Variants in RP1L1 observed in about 807,000 individuals in gnomAD.
The protein encoded by RP1L1 is retinitis pigmentosa 1-like 1 protein.
A neutral mutation model predicts 15.7 loss-of-function variants in RP1L1; 27 were observed. That is an observed-to-expected ratio of 1.72 (90% CI 1.27 to 2.38). The LOEUF (loss-of-function observed/expected upper bound fraction) is 2.38, where lower values mean the gene tolerates loss of function less well. Among genes scored for constraint, RP1L1 ranks in the 30% most tolerant of loss-of-function variants. RP1L1 has a pLI of 0.00. For missense variants in RP1L1, 4,798 were observed against 3,075.9 expected (o/e 1.56, Z -13.24); for synonymous variants, 1,813 against 1,276.7 (o/e 1.42, Z -8.96).
In RP1L1 at chr8:10,606,826, GT is replaced by G; in HGVS notation, c.*68del. The stretch of plus-strand genomic sequence containing the variant: ...TCTCCAGTGGACTGAACGTTGCTCA[GT>G]TTTGTAGAAAAAATATGAATAAAAA... On this transcript the variant is annotated 3_prime_UTR_variant, in exon 4 of 4. Coordinates refer to ENST00000382483, the MANE Select transcript of RP1L1 (RefSeq NM_178857.6). The G allele has an allele frequency of 6.2e-7, 1 of 1,607,326 alleles. No homozygotes were observed. Among genetic ancestry groups the G allele is most frequent in the Non-Finnish European group, 8.5e-7 (1 of 1,179,666 alleles).
In RP1L1 at chr8:10,607,122, G is replaced by C. The variant is rs764067771; in HGVS notation, c.6976C>G (p.Pro2326Ala). 6.2e-7 allele frequency: 1 copy of C among 1,614,164 alleles called. No individual in the cohort carries two copies. The highest frequency in any genetic ancestry group is 1.7e-5 in the Admixed American group (1 of 60,010). ...GGGGTCCCCGTGGACTTGGCATCAG[G>C]GCTCCTTGTGTCTCCAAGTACATGG... Reference protein sequence around the residue: ...NDHVLGDTRSPDAKSTGTPHA... With the variant: ...NDHVLGDTRSADAKSTGTPHA... Residue 2326 changes from proline to alanine, a missense_variant, in exon 4 of 4, where the codon CCT (proline) becomes GCT (alanine). Physicochemically the swap from Pro to Ala is conservative, Grantham distance 27. Transcript: ENST00000382483.
chr8:10,611,510 G>T lies in RP1L1; in HGVS notation c.2588C>A (p.Pro863His), dbSNP rs752407355. ...CCCACAGCTGGAAGAGCGCCTCTGGGGGCAGGGCCGCCCCCTGGGCGGGGT... is the reference window on the plus strand; with the variant it reads ...CCCACAGCTGGAAGAGCGCCTCTGGTGGCAGGGCCGCCCCCTGGGCGGGGT... The part of the protein sequence containing the change: ...CPTPPRGRPC[P>H]QRRSSSCGST... The change falls in exon 4 of 4, where the codon CCC becomes CAC. Residue 863 changes from proline to histidine, a missense_variant. Physicochemically the swap from Pro to His is moderately conservative, Grantham distance 77. Coordinates refer to ENST00000382483, the MANE Select transcript of RP1L1 (RefSeq NM_178857.6). The T allele has an allele frequency of 7.6e-6, 12 of 1,578,656 alleles. No individual in the cohort carries two copies. The East Asian group carries it at 2.7e-4, about 36-fold the overall frequency.
chr8:10,633,805 C>T (rs1263556350), intron 1 of RP1L1, among the ~76,000 whole-genome samples: 1 of 152,168 alleles, frequency 6.6e-6, no homozygotes, highest in South Asian at 2.1e-4. Flanking sequence ...TGTAGGTATA[C>T]AATACAAGGT....
intron 1 of RP1L1, among the ~76,000 whole-genome samples, chr8:10,633,176 T>G (rs1250684660): frequency 6.6e-6 from 1 of 152,202 alleles, no homozygotes; most frequent in African/African-American, 2.4e-5. Context: ...GAGCTAGAGC[T>G]GCACAGCAGC....
chr8:10,637,789 G>A (rs142992827), intron 1 of RP1L1, among the ~76,000 whole-genome samples: 139 of 152,304 alleles, frequency 9.1e-4, no homozygotes, highest in African/African-American at 3.2e-3. Context: ...GGAAAGAGAC[G>A]GGGGAAGTAG....
chr8:10,645,922 T>C lies in RP1L1; in HGVS notation c.-20+8976A>G, dbSNP rs1448387248. Among the ~76,000 whole-genome samples, 3 of 152,158 alleles carry C rather than the reference T, an allele frequency of 2.0e-5. No individual in the cohort carries two copies. In the East Asian group the frequency reaches 5.8e-4, roughly 29 times the overall value. ...TGCACCTGGCCTTTCTCCTCTTCCCTCTTGTCTGGGCCCTACAGAGAAAGC... is the reference window on the plus strand; with the variant it reads ...TGCACCTGGCCTTTCTCCTCTTCCCCCTTGTCTGGGCCCTACAGAGAAAGC... On this transcript the variant is annotated intron_variant, in intron 1 of 3. Transcript: ENST00000382483.
At chr8:10,628,795 A>G (rs1434323777) in intron 1 of RP1L1, among the ~76,000 whole-genome samples, 3 of 152,206 alleles carry the variant, frequency 2.0e-5, no homozygotes, top group African/African-American at 7.2e-5. Flanking sequence ...TGGAAGTAGA[A>G]TCCTTGGAAA....
At chr8:10,626,205 A>G (rs1798155114) in intron 1 of RP1L1, among the ~76,000 whole-genome samples, 1 of 151,806 alleles carries the variant, frequency 6.6e-6, no homozygotes, top group African/African-American at 2.4e-5. Flanking sequence ...CGCAGGCAGC[A>G]GGGGCAGTGG....
chr8:10,615,283 C>G (rs184391862), intron 3 of RP1L1, among the ~76,000 whole-genome samples: 3 of 152,342 alleles, frequency 2.0e-5, no homozygotes, highest in Admixed American at 6.5e-5. Flanking sequence ...TTTCCATCAT[C>G]AGACTGCATT....
At chr8:10,642,542 A>T (rs1346036810) in intron 1 of RP1L1, among the ~76,000 whole-genome samples, 3 of 152,254 alleles carry the variant, frequency 2.0e-5, no homozygotes, top group Non-Finnish European at 4.4e-5. Flanking sequence ...AGGCACTCAG[A>T]TGCCAATGAT....
chr8:10,647,331 A>G (rs763834889), intron 1 of RP1L1, among the ~76,000 whole-genome samples: 1 of 152,100 alleles, frequency 6.6e-6, no homozygotes, highest in Non-Finnish European at 1.5e-5. Flanking sequence ...TATTTTTTTA[A>G]TTGTGGTAAA....
Position 10,622,872 on chromosome 8 carries a change from G to A in RP1L1, c.330C>T (p.Pro110=), listed in dbSNP as rs769237488. The change falls in exon 2 of 4, where the codon CCC becomes CCT. Residue 110 remains proline, a synonymous_variant. Transcript: ENST00000382483. ...GCCGGCCTGGTCCACTGGGGGTCTTGGGGGGCTTCTTATCAGAGCAGAGGT... is the reference window on the plus strand; with the variant it reads ...GCCGGCCTGGTCCACTGGGGGTCTTAGGGGGCTTCTTATCAGAGCAGAGGT... The part of the protein sequence containing the change: ...GCYLCSDKKP[P]KTPSGPGRPQ... The A allele has an allele frequency of 6.2e-7, 1 of 1,613,172 alleles. No individual in the cohort carries two copies.
chr8:10,609,241 G>GT lies in RP1L1; in HGVS notation c.4856_4857insA (p.Phe1619LeufsTer3). 2 of 1,609,230 alleles carry GT rather than the reference G, an allele frequency of 1.2e-6. No homozygotes were observed. The highest frequency in any genetic ancestry group is 1.7e-6 in the Non-Finnish European group (2 of 1,179,802). Reference sequence around the variant, plus strand: ...GCCCCAGGCCCAGGGTCCGCTCAGAGAAGGCCGAGAGGTTTCGCAGGCCCC... The same window carrying GT: ...GCCCCAGGCCCAGGGTCCGCTCAGAGTAAGGCCGAGAGGTTTCGCAGGCCCC... On this transcript the variant is annotated frameshift_variant, in exon 4 of 4. Coordinates refer to ENST00000382483, the MANE Select transcript of RP1L1 (RefSeq NM_178857.6). LOFTEE classifies it low-confidence loss of function (END_TRUNC).
intron 1 of RP1L1, among the ~76,000 whole-genome samples, chr8:10,635,776 G>A (rs1282473245): frequency 6.6e-6 from 1 of 152,230 alleles, no homozygotes; most frequent in South Asian, 2.1e-4. Flanking sequence ...TTGCAACTTT[G>A]CAGTAGATTT....
In RP1L1 at chr8:10,611,487, C is replaced by G; in HGVS notation, c.2611G>C (p.Gly871Arg). The G allele has an allele frequency of 6.4e-7, 1 of 1,572,594 alleles. No homozygotes were observed. Among genetic ancestry groups the G allele is most frequent in the Non-Finnish European group, 8.6e-7 (1 of 1,161,214 alleles). The change falls in exon 4 of 4, where the codon GGG (glycine) becomes CGG (arginine). Residue 871 changes from glycine (G) to arginine (R), a missense_variant. Gly to Arg is a moderately radical substitution (Grantham distance 125). Transcript: ENST00000382483. ...CTTTGGTGGCTGCTGCCGGTGCTCC[C>G]ACAGCTGGAAGAGCGCCTCTGGGGG... ...PCPQRRSSSCGSTGSSHQSTA... is the reference protein window; with the variant it reads ...PCPQRRSSSCRSTGSSHQSTA...
chr8:10,643,279 G>A (rs1798432627), intron 1 of RP1L1, among the ~76,000 whole-genome samples: 1 of 152,172 alleles, frequency 6.6e-6, no homozygotes, highest in Admixed American at 6.5e-5. Context: ...GGTGGAGGCT[G>A]TGGTGAGCCA....
chr8:10,611,134 T>C lies in RP1L1; in HGVS notation c.2964A>G (p.Arg988=), dbSNP rs765880473. The C allele has an allele frequency of 1.1e-5, 18 of 1,612,874 alleles. No homozygotes were observed. The highest frequency in any genetic ancestry group is 1.4e-5 in the Non-Finnish European group (17 of 1,179,984). ...CATCCCCAGGGTCCACCTCGGGGCC[T>C]CTCAGGCCACCCCCAGCTGCACCTG... The part of the protein sequence containing the change: ...ETTGAAGGGL[R]GPEVDPGDDH... The change falls in exon 4 of 4, where the codon AGA becomes AGG. Residue 988 remains arginine, a synonymous_variant. Coordinates refer to ENST00000382483, the MANE Select transcript of RP1L1 (RefSeq NM_178857.6).
Position 10,608,549 on chromosome 8 carries a change from C to A in RP1L1, c.5549G>T (p.Gly1850Val), listed in dbSNP as rs200646824. ...CCCTTCTGCCTCTGGGGCCTCTACA[C>A]CTTCTGACTCTGGCTGGGCCTCCCC... ...AEGEAQPESE[G>V]VEAPEAEGDA... Residue 1850 changes from glycine to valine, a missense_variant, in exon 4 of 4, where the codon GGT (glycine) becomes GTT (valine). By Grantham distance (109) the Gly-to-Val change is moderately radical. Transcript: ENST00000382483. 4.4e-6 allele frequency: 7 copies of A among 1,597,502 alleles called. No homozygotes were observed. Among genetic ancestry groups the A allele is most frequent in the Non-Finnish European group, 6.0e-6 (7 of 1,168,678 alleles).
At position 10,607,194 on chromosome 8, in the gene RP1L1, TGGA is replaced by T; in HGVS notation, c.6901_6903del (p.Ser2301del). On this transcript the variant is annotated inframe_deletion, in exon 4 of 4. Coordinates refer to ENST00000382483, the MANE Select transcript of RP1L1 (RefSeq NM_178857.6). ...CAGCAGTTGCCCCAAGAGGATGCTCTGGAGGAGGAAGGGCCTGTTTGGGAGCCT... is the reference window on the plus strand; with the variant it reads ...CAGCAGTTGCCCCAAGAGGATGCTCTGGAGGAAGGGCCTGTTTGGGAGCCT... The T allele has an allele frequency of 6.2e-7, 1 of 1,614,216 alleles. No individual in the cohort carries two copies. The highest frequency in any genetic ancestry group is 1.1e-5 in the South Asian group (1 of 91,088).
Sources: allele counts gnomAD v4.1 joint callset (sites outside exome capture counted in the v4.1 genomes callset), GRCh38; gene constraint gnomAD v4.1.1; transcripts MANE v1.5; gene names NCBI Gene and HGNC (gene_info 2026-07-23, HGNC 2026-07-21).